The following MSI2 variants were observed in gnomAD, a reference collection of about 807,000 sequenced individuals.
MSI2 encodes the protein musashi RNA binding protein 2.
Under a neutral mutation model 45.6 loss-of-function variants are expected in MSI2, and 17 were observed. The ratio of observed to expected loss-of-function variants is 0.37; its 90% confidence interval spans 0.26 to 0.56. MSI2 has a LOEUF of 0.56. Ranked by LOEUF, MSI2 falls within the 20% of genes least tolerant of loss-of-function variation. The pLI is 0.77. For synonymous variants in MSI2, 156 were observed against 158.2 expected (o/e 0.99, Z 0.11); for missense variants, 293 against 444.2 (o/e 0.66, Z 3.06).
intron 10 of MSI2, among the ~76,000 whole-genome samples, chr17:57,644,393 T>C (rs1266636941): frequency 1.3e-5 from 2 of 151,974 alleles, no homozygotes; most frequent in Non-Finnish European, 2.9e-5. Flanking sequence ...TTTTTTCCAC[T>C]CTCTCCCCTT....
intron 5 of MSI2, among the ~76,000 whole-genome samples, chr17:57,367,146 G>C (rs913451685): frequency 1.3e-5 from 2 of 152,188 alleles, no homozygotes; most frequent in African/African-American, 4.8e-5. Flanking sequence ...GGAAGAATGA[G>C]GCAGCATTTT....
At chr17:57,509,348 G>C (rs995260466) in intron 6 of MSI2, among the ~76,000 whole-genome samples, 1 of 152,292 alleles carries the variant, frequency 6.6e-6, no homozygotes, top group African/African-American at 2.4e-5. Context: ...ATTTGTGTGC[G>C]TTATGCCGCC....
At chr17:57,515,438 C>G (rs1247571290) in intron 6 of MSI2, among the ~76,000 whole-genome samples, 4 of 152,298 alleles carry the variant, frequency 2.6e-5, no homozygotes, top group Non-Finnish European at 5.9e-5. Flanking sequence ...CTCCTGACCT[C>G]AGGTGATCCA....
At chr17:57,694,888 G>A in the MSI2 span, among the ~76,000 whole-genome samples, 1 of 152,186 alleles carries the variant, frequency 6.6e-6, no homozygotes, top group Non-Finnish European at 1.5e-5. Context: ...TGAGTACTAT[G>A]CCAATGCTTA....
At chr17:57,515,977 C>A (rs2086461836) in intron 6 of MSI2, among the ~76,000 whole-genome samples, 2 of 152,050 alleles carry the variant, frequency 1.3e-5, no homozygotes, top group African/African-American at 4.8e-5. Context: ...CTCTTGTGAA[C>A]CCTTCATCCA....
chr17:57,411,299 A>G (rs1333412097), intron 6 of MSI2, among the ~76,000 whole-genome samples: 2 of 152,062 alleles, frequency 1.3e-5, no homozygotes, highest in Non-Finnish European at 2.9e-5. Context: ...GAGCCACCAC[A>G]CTCAGCCGAT....
At chr17:57,343,944 C>T (rs900746962) in intron 5 of MSI2, among the ~76,000 whole-genome samples, 2 of 152,180 alleles carry the variant, frequency 1.3e-5, no homozygotes, top group African/African-American at 2.4e-5. Flanking sequence ...CTCAGGGTAT[C>T]GCATCTGGAG....
the MSI2 span, among the ~76,000 whole-genome samples, chr17:57,692,897 G>A: frequency 7.2e-6 from 1 of 139,124 alleles, no homozygotes; most frequent in South Asian, 2.4e-4. Flanking sequence ...TGAATGCATG[G>A]GCTTTTTTTT....
chr17:57,586,255 C>T lies in MSI2; in HGVS notation c.455-10613C>T, dbSNP rs185015352. On this transcript the variant is annotated intron_variant, in intron 7 of 13. Coordinates refer to ENST00000284073, the MANE Select transcript of MSI2 (RefSeq NM_138962.4). Reference sequence around the variant, plus strand: ...TTAACAGGAGTCTGGGATGAGACACCCTTTCCCTGCAGCCGCAGGCACTTT... The same window carrying T: ...TTAACAGGAGTCTGGGATGAGACACTCTTTCCCTGCAGCCGCAGGCACTTT... 2.4e-3 allele frequency among the ~76,000 whole-genome samples: 371 copies of T among 152,240 alleles called. 4 individuals are homozygous for T. The highest frequency in any genetic ancestry group is 8.5e-3 in the African/African-American group (352 of 41,518).
At chr17:57,361,072 G>A (rs974033449) in intron 5 of MSI2, among the ~76,000 whole-genome samples, 1 of 152,180 alleles carries the variant, frequency 6.6e-6, no homozygotes, top group Non-Finnish European at 1.5e-5. Context: ...GCTGAACTGA[G>A]TGGGGGGTAT....
At chr17:57,341,047 C>A (rs1915100011) in intron 5 of MSI2, among the ~76,000 whole-genome samples, 1 of 152,182 alleles carries the variant, frequency 6.6e-6, no homozygotes, top group African/African-American at 2.4e-5. Flanking sequence ...TCAGATGCTG[C>A]CCCAGGGCTG....
chr17:57,502,200 G>T (rs1228304083), intron 6 of MSI2, among the ~76,000 whole-genome samples: 1 of 152,130 alleles, frequency 6.6e-6, no homozygotes, highest in Non-Finnish European at 1.5e-5. Context: ...AACATTTATG[G>T]AATAGGCCAC....
intron 5 of MSI2, among the ~76,000 whole-genome samples, chr17:57,389,286 T>A (rs1197653485): frequency 1.3e-5 from 2 of 152,196 alleles, no homozygotes; most frequent in African/African-American, 2.4e-5. Context: ...CCCCCTGCTC[T>A]TCTTTTTAAT....
chr17:57,449,948 C>G (rs1166118000), intron 6 of MSI2: 1 of 152,048 alleles, frequency 6.6e-6, no homozygotes, highest in East Asian at 1.9e-4. Context: ...ATCGCCTGAA[C>G]CAGGAAGTCG....
intron 6 of MSI2, among the ~76,000 whole-genome samples, chr17:57,521,788 G>A (rs1018655608): frequency 1.3e-5 from 2 of 152,162 alleles, no homozygotes; most frequent in African/African-American, 2.4e-5. Context: ...CCACTCCAGA[G>A]TACTGATTTA....
intron 5 of MSI2, among the ~76,000 whole-genome samples, chr17:57,377,136 G>T (rs1472357035): frequency 1.3e-5 from 2 of 152,116 alleles, no homozygotes; most frequent in African/African-American, 4.8e-5. Context: ...TTACCAGGAT[G>T]GTCTCGATCT....
chr17:57,575,241 T>C (rs1259721649), intron 7 of MSI2, among the ~76,000 whole-genome samples: 1 of 145,090 alleles, frequency 6.9e-6, no homozygotes, highest in Non-Finnish European at 1.5e-5. Flanking sequence ...AGCTTATTCC[T>C]GGAGAGAAAG....
At chr17:57,340,620 C>T (rs556015716) in intron 5 of MSI2, among the ~76,000 whole-genome samples, 5 of 152,190 alleles carry the variant, frequency 3.3e-5, no homozygotes, top group African/African-American at 4.8e-5. Context: ...GTCATTTTAC[C>T]GCAGAAGCCT....
rs531338912 is a variant in MSI2, at chr17:57,596,461, G to A, written c.455-407G>A. Among the ~76,000 whole-genome samples, 79 of 152,326 alleles carry A rather than the reference G, an allele frequency of 5.2e-4. No homozygotes were observed. The highest frequency in any genetic ancestry group is 9.6e-4 in the Non-Finnish European group (65 of 68,042). ...AAATAACCACCTCCGTCTGGAGGCC[G>A]ACCCGAGGGCTGGCCAGGGCTGCTC... On this transcript the variant is annotated intron_variant, in intron 7 of 13. Transcript: ENST00000284073. This position sits in a 1 kb window ranked among gnomAD's most constrained non-coding sequence, Gnocchi z 4.6.
Sources: allele counts gnomAD v4.1 joint callset (sites outside exome capture counted in the v4.1 genomes callset), GRCh38; gene constraint gnomAD v4.1.1; non-coding constraint Gnocchi (gnomAD v3.1); transcripts MANE v1.5; gene names NCBI Gene and HGNC (gene_info 2026-07-23, HGNC 2026-07-21).